The following MYRF variants were observed in gnomAD, a reference collection of about 807,000 sequenced individuals.
MYRF encodes myelin gene regulatory factor.
A neutral mutation model predicts 126.3 loss-of-function variants in MYRF; 16 were observed. The ratio of observed to expected loss-of-function variants is 0.13; its 90% CI spans 0.09 to 0.19. The LOEUF is 0.19. MYRF is among the 10% of genes least tolerant of loss of function. The probability of loss-of-function intolerance (pLI) is 1.00; values close to 1 mark genes in which losing one functional copy is unlikely to be tolerated. For synonymous variants in MYRF, 608 were observed against 635.3 expected (o/e 0.96, Z 0.65); for missense variants, 1,104 against 1,547.0 (o/e 0.71, Z 4.80).
At chr11:61,769,086 C>A (rs1328361983) in intron 3 of MYRF, among the ~76,000 whole-genome samples, 174 bp from the exon 4 acceptor site, 1 of 152,220 alleles carries the variant, frequency 6.6e-6, no homozygotes, top group Non-Finnish European at 1.5e-5. Flanking sequence ...CCAGGCCCTG[C>A]CAGGCACCCC....
Position 61,766,173 on chromosome 11 carries a change from G to C in MYRF, c.350G>C (p.Gly117Ala). The C allele has an allele frequency of 1.2e-6, 2 of 1,611,872 alleles. No homozygotes were observed. The highest frequency in any genetic ancestry group is 1.1e-5 in the South Asian group (1 of 91,062). ...GCTGCCCCCAAGCCCTTCCCGGGGG[G>C]CACCGGGCCCCCCATCAAGGCTGAG... Reference protein sequence around the residue: ...MGAAPKPFPGGTGPPIKAEPK... With the variant: ...MGAAPKPFPGATGPPIKAEPK... The change falls in exon 3 of 27, where the codon GGC becomes GCC. Residue 117 changes from glycine to alanine, a missense_variant. By Grantham distance (60) the Gly-to-Ala change is moderately conservative. Coordinates refer to ENST00000278836, the MANE Select transcript of MYRF (RefSeq NM_001127392.3).
At chr11:61,779,736 G>A (rs1006510313) in intron 16 of MYRF, 106 bp from the exon 17 acceptor site, 12 of 1,238,968 alleles carry the variant, frequency 9.7e-6, no homozygotes, top group African/African-American at 1.5e-5. Flanking sequence ...TGCCCCCGGG[G>A]AAATGGGGCA....
chr11:61,768,189 T>TG (rs1703928108), intron 3 of MYRF, among the ~76,000 whole-genome samples: 3 of 151,284 alleles, frequency 2.0e-5, no homozygotes, highest in African/African-American at 7.3e-5. Flanking sequence ...GAAGCCTAAC[T>TG]GGGGAGAGGT....
intron 1 of MYRF, among the ~76,000 whole-genome samples, chr11:61,764,127 G>T (rs1177058944): frequency 6.6e-6 from 1 of 152,198 alleles, no homozygotes; most frequent in East Asian, 1.9e-4. Flanking sequence ...GGGCGAGCTG[G>T]GGGTGGGGGT....
chr11:61,781,349 G>T lies in MYRF; in HGVS notation c.2764+20G>T. The T allele has an allele frequency of 2.5e-6, 4 of 1,611,378 alleles. No individual in the cohort carries two copies. Among genetic ancestry groups the T allele is most frequent in the Non-Finnish European group, 3.4e-6 (4 of 1,178,286 alleles). ...GCTCAGGTAAGGCTTTCTGTGGGCT[G>T]GGGCTTGGGGCGGGGGCTACCTGCG... On this transcript the variant is annotated intron_variant, in intron 21 of 26. Transcript: ENST00000278836.
At chr11:61,784,478 G>A (rs1251021786) in intron 25 of MYRF, 93 bp downstream of exon 25, 2 of 1,022,598 alleles carry the variant, frequency 2.0e-6, no homozygotes, top group African/African-American at 3.2e-5. Flanking sequence ...AGCAGAAGCT[G>A]GGAGTTATAG....
chr11:61,769,236 G>A (rs781246924), intron 3 of MYRF, 24 bp from the exon 4 acceptor site: 3 of 1,522,502 alleles, frequency 2.0e-6, no homozygotes, highest in African/African-American at 1.4e-5. Flanking sequence ...CTCACCCCCC[G>A]GCCCCTTCCC....
chr11:61,774,800 C>T (rs2066331457), intron 8 of MYRF, among the ~76,000 whole-genome samples: 1 of 152,132 alleles, frequency 6.6e-6, no homozygotes, highest in East Asian at 1.9e-4. Context: ...TCTGTGCCTC[C>T]TTGCCTCCCT....
intron 24 of MYRF, 117 bp downstream of exon 24, chr11:61,784,042 G>A (rs1053508777): frequency 1.6e-6 from 2 of 1,265,510 alleles, no homozygotes; most frequent in Non-Finnish European, 2.2e-6. Flanking sequence ...TTCCTGCATG[G>A]TGGGATAAGT....
Position 61,779,549 on chromosome 11 carries a change from GC to G in MYRF, c.2232del (p.Lys745ArgfsTer45). On this transcript the variant is annotated frameshift_variant, in exon 16 of 27. Transcript: ENST00000278836. LOFTEE classifies it high-confidence loss of function. ...RAGSVPHKKR[P>X]PKVASKSSSV... ...CGGGCAGCGTCCCCCACAAGAAGAG[GC>G]CCCCCAAGGTGGCCAGCAAGGTAGG... 6.6e-7 allele frequency: 1 copy of G among 1,505,298 alleles called. No individual in the cohort carries two copies. The highest frequency in any genetic ancestry group is 8.9e-7 in the Non-Finnish European group (1 of 1,127,200). 93.2% of individuals were successfully genotyped at this position (1,505,298 alleles called of 1,614,324 possible).
In MYRF at chr11:61,778,790, C is replaced by T. The variant is rs889871665; in HGVS notation, c.2013+301C>T. The T allele has an allele frequency of 1.7e-6, 1 of 583,848 alleles. No individual in the cohort carries two copies. Among genetic ancestry groups the T allele is most frequent in the African/African-American group, 1.8e-5 (1 of 54,536 alleles). The allele number at this position is 583,848 out of a possible 1,614,324, so 36.2% of individuals were successfully genotyped here. On this transcript the variant is annotated intron_variant, in intron 14 of 26. Coordinates refer to ENST00000278836, the MANE Select transcript of MYRF (RefSeq NM_001127392.3). This position sits in a 1 kb window ranked among gnomAD's most constrained non-coding sequence, Gnocchi z 4.6. ...GCGGTAATAGAACTGCACAGACATC[C>T]TCGTATGGTTACCTCCAGGCTGAAA...
At position 61,770,450 on chromosome 11, in the gene MYRF, G is replaced by A; in HGVS notation, c.665G>A (p.Gly222Glu). 6.4e-7 allele frequency: 1 copy of A among 1,560,988 alleles called. No individual in the cohort carries two copies. The highest frequency in any genetic ancestry group is 8.7e-7 in the Non-Finnish European group (1 of 1,152,516). The stretch of plus-strand genomic sequence containing the variant: ...CCCCACTACGCTGCCATGGGGCAGG[G>A]GCTGGTGCCCACTGATCTTCACCAC... ...PIPHYAAMGQGLVPTDLHHTQ... is the reference protein window; with the variant it reads ...PIPHYAAMGQELVPTDLHHTQ... Residue 222 changes from glycine to glutamate, a missense_variant, in exon 5 of 27, where the codon GGG becomes GAG. Physicochemically the swap from Gly to Glu is moderately conservative, Grantham distance 98. Around this residue, in one of 10 missense-constraint regions of MYRF, gnomAD observed 368 missense variants for 403.9 expected, o/e 0.91. Coordinates refer to ENST00000278836, the MANE Select transcript of MYRF (RefSeq NM_001127392.3).
At chr11:61,765,326 C>T (rs2066024305) in intron 1 of MYRF, among the ~76,000 whole-genome samples, 1 of 152,232 alleles carries the variant, frequency 6.6e-6, no homozygotes, top group Admixed American at 6.5e-5. Flanking sequence ...TGTCACACAG[C>T]TAGAAAGAGG....
In MYRF at chr11:61,778,840, G is replaced by GT. The variant is rs1285966896; in HGVS notation, c.2013+354dup. On this transcript the variant is annotated intron_variant, in intron 14 of 26. Transcript: ENST00000278836. The surrounding 1 kb of genome is among the most constrained non-coding windows in gnomAD (Gnocchi z 4.6). The stretch of plus-strand genomic sequence containing the variant: ...ATACGTGGTTTATTGTGAGGACGAC[G>GT]TTTGTCACTTACCTGTCCTGAGTCT... 3 of 548,514 alleles carry GT rather than the reference G, an allele frequency of 5.5e-6. No homozygotes were observed. In the African/African-American group the frequency reaches 5.6e-5, roughly 10 times the overall value. The allele number at this position is 548,514 out of a possible 1,614,324, so 34.0% of individuals were successfully genotyped here. A position where few individuals can be genotyped will look rare whatever the true frequency, so the allele number is the denominator to read the frequency against.
At chr11:61,762,281 A>T (rs1222590952) in intron 1 of MYRF, among the ~76,000 whole-genome samples, 1 of 152,108 alleles carries the variant, frequency 6.6e-6, no homozygotes, top group Non-Finnish European at 1.5e-5. Context: ...GGACTGCCAG[A>T]GGGCTCCGGG....
chr11:61,783,641 G>A lies in MYRF; in HGVS notation c.3119+41G>A, dbSNP rs2066612356. The A allele has an allele frequency of 2.5e-6, 4 of 1,573,948 alleles. No individual in the cohort carries two copies. Among genetic ancestry groups the A allele is most frequent in the African/African-American group, 2.7e-5 (2 of 74,156 alleles). On this transcript the variant is annotated intron_variant, in intron 23 of 26. Transcript: ENST00000278836. The surrounding 1 kb of genome is among the most constrained non-coding windows in gnomAD (Gnocchi z 4.6). ...TCCCCTCACCCAGGGAGGTCCTCAG[G>A]TGACATGAGCCCAGGTGGTACAGAT...
In MYRF at chr11:61,777,639, A is replaced by G; in HGVS notation, c.1792-95A>G. Reference sequence around the variant, plus strand: ...ACTCCAGTGGTGGGGTCTCCTCTCCACACTGCAGCCTCCAGGCTGCCGCCC... The same window carrying G: ...ACTCCAGTGGTGGGGTCTCCTCTCCGCACTGCAGCCTCCAGGCTGCCGCCC... On this transcript the variant is annotated intron_variant, in intron 12 of 26. Coordinates refer to ENST00000278836, the MANE Select transcript of MYRF (RefSeq NM_001127392.3). This position sits in a 1 kb window ranked among gnomAD's most constrained non-coding sequence, Gnocchi z 8.8. 1 of 1,356,108 alleles carries G rather than the reference A, an allele frequency of 7.4e-7. No homozygotes were observed. The allele number at this position is 1,356,108 out of a possible 1,614,324, so 84.0% of individuals were successfully genotyped here. A position where few individuals can be genotyped will look rare whatever the true frequency, so the allele number is the denominator to read the frequency against.
At chr11:61,758,053 G>A (rs2065806120) in intron 1 of MYRF, among the ~76,000 whole-genome samples, 2 of 151,972 alleles carry the variant, frequency 1.3e-5, no homozygotes, top group African/African-American at 4.8e-5. Flanking sequence ...GTTGGGTGAT[G>A]TTAGCAGTTA....
In MYRF at chr11:61,783,360, C is replaced by G. The variant is rs1385708809; in HGVS notation, c.3017-138C>G. 1.4e-6 allele frequency: 1 copy of G among 696,736 alleles called. No individual in the cohort carries two copies. The highest frequency in any genetic ancestry group is 2.0e-5 in the Admixed American group (1 of 50,388). The allele number at this position is 696,736 out of a possible 1,614,324, so 43.2% of individuals were successfully genotyped here. ...AGGAAAGGGTGTAGTGTGATGCTGG[C>G]CATTGTGGAGGTCTGGAAAAAAATA... is the stretch of plus-strand genomic sequence containing the variant. On this transcript the variant is annotated intron_variant, in intron 22 of 26. Coordinates refer to ENST00000278836, the MANE Select transcript of MYRF (RefSeq NM_001127392.3). This position sits in a 1 kb window ranked among gnomAD's most constrained non-coding sequence, Gnocchi z 4.6.
Sources: allele counts gnomAD v4.1 joint callset (sites outside exome capture counted in the v4.1 genomes callset), GRCh38; gene constraint gnomAD v4.1.1; regional missense constraint gnomAD v4.1.1; non-coding constraint Gnocchi (gnomAD v3.1); transcripts MANE v1.5; gene names NCBI Gene and HGNC (gene_info 2026-07-23, HGNC 2026-07-21).